Variants in IKBKB-DT observed in about 807,000 individuals in gnomAD.
IKBKB-DT encodes IKBKB divergent transcript, also known as IKBKB antisense RNA.
chr8:42,246,159 C>T (rs1372431970), intron 3 of IKBKB-DT, among the ~76,000 whole-genome samples: 2 of 152,320 alleles, frequency 1.3e-5, no homozygotes, highest in Middle Eastern at 3.4e-3. Context: ...GCCTCAACCT[C>T]CTGAGCAGCT....
chr8:42,270,062 A>T (rs1807526924), intron 1 of IKBKB-DT, among the ~76,000 whole-genome samples: 1 of 152,252 alleles, frequency 6.6e-6, no homozygotes, highest in African/African-American at 2.4e-5. Context: ...CAACAGCAGT[A>T]TCTGGATTCA....
Position 42,252,507 on chromosome 8 carries a change from C to T in IKBKB-DT, n.1529+10822G>A, listed in dbSNP as rs1451932703. On this transcript the variant is annotated intron_variant and non_coding_transcript_variant, in intron 3 of 3. Coordinates refer to ENST00000518213, the Ensembl canonical transcript of IKBKB-DT. ...CCACCTCACTAATAGCTGGGACTAC[C>T]GGTGCGTGCCACCACACCCAGCTAA... Among the ~76,000 whole-genome samples, 4 of 152,138 alleles carry T rather than the reference C, an allele frequency of 2.6e-5. 1 individual carries two copies. Among genetic ancestry groups the T allele is most frequent in the South Asian group, 2.1e-4 (1 of 4,826 alleles).
Position 42,239,636 on chromosome 8 carries a change from T to TATATATATATATA in IKBKB-DT, n.1530-5778_1530-5777insTATATATATATAT, listed in dbSNP as rs55662464. ...AATTTATATATATATATATATATAT[T>TATATATATATATA]TATTTATTTATTCATTTTTTTTTTT... On this transcript the variant is annotated intron_variant and non_coding_transcript_variant, in intron 3 of 3. Coordinates refer to ENST00000518213, the Ensembl canonical transcript of IKBKB-DT. Among the ~76,000 whole-genome samples the TATATATATATATA allele has an allele frequency of 5.5e-3, 155 of 28,148 alleles. 5 individuals carry two copies. The highest frequency in any genetic ancestry group is 0.044 in the East Asian group (32 of 732). The allele number at this position is 28,148 out of a possible 152,430, so 18.5% of individuals were successfully genotyped here.
At chr8:42,240,742 C>G (rs529744791) in intron 3 of IKBKB-DT, among the ~76,000 whole-genome samples, 1 of 151,510 alleles carries the variant, frequency 6.6e-6, no homozygotes, top group East Asian at 1.9e-4. Flanking sequence ...TTTGAGAGGC[C>G]GAGGTGGGTG....
chr8:42,248,768 A>G lies in IKBKB-DT; in HGVS notation n.1529+14561T>C, dbSNP rs113198408. On this transcript the variant is annotated intron_variant and non_coding_transcript_variant, in intron 3 of 3. Transcript: ENST00000518213. Reference sequence around the variant, plus strand: ...GTGACAGGCACCTGTAGTCCCAGCCATTTGGGAGGCTGAAGCAGAAATCAA... The same window carrying G: ...GTGACAGGCACCTGTAGTCCCAGCCGTTTGGGAGGCTGAAGCAGAAATCAA... Among the ~76,000 whole-genome samples, 451 of 151,236 alleles carry G rather than the reference A, an allele frequency of 3.0e-3. 5 individuals carry two copies. The highest frequency in any genetic ancestry group is 0.024 in the Middle Eastern group (7 of 292).
chr8:42,259,918 G>T (rs1245666347), intron 3 of IKBKB-DT, among the ~76,000 whole-genome samples: 1 of 150,820 alleles, frequency 6.6e-6, no homozygotes, highest in Non-Finnish European at 1.5e-5. Context: ...AGAGGCGGAG[G>T]TTGCAGTGAG....
chr8:42,255,122 C>A (rs891254530), intron 3 of IKBKB-DT, among the ~76,000 whole-genome samples: 7 of 151,526 alleles, frequency 4.6e-5, no homozygotes, highest in African/African-American at 1.7e-4. Flanking sequence ...CTCTGCCCGG[C>A]CACCCCATCT....
intron 3 of IKBKB-DT, among the ~76,000 whole-genome samples, chr8:42,257,356 G>T (rs1327879509): frequency 1.3e-5 from 2 of 152,020 alleles, no homozygotes; most frequent in East Asian, 1.9e-4. Flanking sequence ...ACAAAAATTA[G>T]CTGGGTGTGG....
chr8:42,252,208 C>A (rs932146577), intron 3 of IKBKB-DT, among the ~76,000 whole-genome samples: 1 of 152,200 alleles, frequency 6.6e-6, no homozygotes, highest in Non-Finnish European at 1.5e-5. Flanking sequence ...CCAGCTTCTT[C>A]GCACTATGCA....
chr8:42,240,693 T>C (rs1806990511), intron 3 of IKBKB-DT, among the ~76,000 whole-genome samples: 1 of 134,836 alleles, frequency 7.4e-6, no homozygotes, highest in Admixed American at 7.5e-5. Flanking sequence ...AAACAGAATG[T>C]GGGCCAGACA....
intron 3 of IKBKB-DT, among the ~76,000 whole-genome samples, chr8:42,253,994 T>C (rs1350759621): frequency 6.6e-6 from 1 of 152,252 alleles, no homozygotes; most frequent in African/African-American, 2.4e-5. Context: ...TGTGACCTAA[T>C]GCTTTCTTGG....
Position 42,241,224 on chromosome 8 carries a change from CTTTTTTTTTTTTTTTTTTTTTTT to C in IKBKB-DT, n.1530-7388_1530-7366del, listed in dbSNP as rs773177896. Among the ~76,000 whole-genome samples the C allele has an allele frequency of 7.4e-4, 34 of 45,688 alleles. 1 individual carries two copies. In the East Asian group the frequency reaches 0.01, roughly 14 times the overall value. The allele number at this position is 45,688 out of a possible 152,430, so 30.0% of individuals were successfully genotyped here. On this transcript the variant is annotated intron_variant and non_coding_transcript_variant, in intron 3 of 3. Transcript: ENST00000518213. ...TTGATGCCTTTAGATATGTTGGAAT[CTTTTTTTTTTTTTTTTTTTTTTT>C]TTTTTTTTTTTTTTTTTTTGCCTAG... is the stretch of plus-strand genomic sequence containing the variant.
At chr8:42,258,757 C>T (rs780744505) in intron 3 of IKBKB-DT, among the ~76,000 whole-genome samples, 15 of 151,832 alleles carry the variant, frequency 9.9e-5, no homozygotes, top group South Asian at 4.2e-4. Flanking sequence ...CTTGAGCCAC[C>T]GCGCCCAGCT....
chr8:42,240,304 C>T (rs1216696543), intron 3 of IKBKB-DT, among the ~76,000 whole-genome samples: 1 of 150,672 alleles, frequency 6.6e-6, no homozygotes, highest in African/African-American at 2.4e-5. Context: ...TAATTCTAAG[C>T]CTGTCTCTTA....
At position 42,268,298 on chromosome 8, in the gene IKBKB-DT, C is replaced by A. The variant is rs370732423; in HGVS notation, n.604-1902G>T. 8.2e-4 allele frequency among the ~76,000 whole-genome samples: 125 copies of A among 151,820 alleles called. No individual in the cohort carries two copies. In the East Asian group the frequency reaches 0.023, roughly 28 times the overall value. ...TACAGGCACGTGCCACCACGCCCAG[C>A]TAATTTTTTTGTATTTTTAGTAGAG... is the stretch of plus-strand genomic sequence containing the variant. On this transcript the variant is annotated intron_variant and non_coding_transcript_variant, in intron 1 of 3. Transcript: ENST00000518213.
At chr8:42,258,170 G>C (rs1807232412) in intron 3 of IKBKB-DT, among the ~76,000 whole-genome samples, 1 of 152,088 alleles carries the variant, frequency 6.6e-6, no homozygotes, top group Admixed American at 6.6e-5. Context: ...TTTTAAGAAA[G>C]AAGATGAAAC....
In IKBKB-DT at chr8:42,244,015, C is replaced by T. The variant is rs188845637; in HGVS notation, n.1530-10156G>A. Among the ~76,000 whole-genome samples, 5 of 152,266 alleles carry T rather than the reference C, an allele frequency of 3.3e-5. No individual in the cohort carries two copies. In the East Asian group the frequency reaches 5.8e-4, roughly 18 times the overall value. On this transcript the variant is annotated intron_variant and non_coding_transcript_variant, in intron 3 of 3. Coordinates refer to ENST00000518213, the Ensembl canonical transcript of IKBKB-DT. Reference sequence around the variant, plus strand: ...TAATCTAACTCCAAGCCTGTATGCCCGATTGTCTATACAAACTGCAAAACA... The same window carrying T: ...TAATCTAACTCCAAGCCTGTATGCCTGATTGTCTATACAAACTGCAAAACA...
intron 3 of IKBKB-DT, among the ~76,000 whole-genome samples, chr8:42,241,278 G>A (rs866605133): frequency 1.8e-5 from 2 of 109,288 alleles, no homozygotes; most frequent in South Asian, 3.1e-4. Context: ...CCTAGGAAGG[G>A]CCAGTTGAAA....
chr8:42,233,834 GCT>G (rs948940759), exon 4 of IKBKB-DT: 15 of 152,112 alleles, frequency 9.9e-5, no homozygotes, highest in African/African-American at 3.6e-4. Flanking sequence ...CTGTCTTCTT[GCT>G]CTGAGTCAGT....
Sources: allele counts gnomAD v4.1 joint callset (sites outside exome capture counted in the v4.1 genomes callset), GRCh38; gene constraint gnomAD v4.1.1; transcripts MANE v1.5; gene names NCBI Gene and HGNC (gene_info 2026-07-23, HGNC 2026-07-21).